PLCB1: variants seen among roughly 807,000 people sequenced by gnomAD.
PLCB1 encodes phospholipase C beta 1.
In PLCB1, 46 loss-of-function variants were observed where a neutral mutation model predicts 161.8. That is an observed-to-expected ratio of 0.28 (90% CI 0.22 to 0.36). The LOEUF (loss-of-function observed/expected upper bound fraction) is 0.36, where lower values mean the gene tolerates loss of function less well. Ranked by LOEUF, PLCB1 falls within the 10% of genes least tolerant of loss-of-function variation. PLCB1 has a pLI of 1.00. For synonymous variants in PLCB1, 517 were observed against 503.7 expected (o/e 1.03, Z -0.35); for missense variants, 1,016 against 1,472.5 (o/e 0.69, Z 5.07).
At chr20:8,391,844 T>C (rs1228793726) in intron 3 of PLCB1, among the ~76,000 whole-genome samples, 3 of 145,734 alleles carry the variant, frequency 2.1e-5, no homozygotes, top group African/African-American at 7.5e-5. Flanking sequence ...TATATATATA[T>C]TACTTGAACT....
chr20:8,608,328 T>C (rs1987814386), intron 3 of PLCB1, among the ~76,000 whole-genome samples: 1 of 152,158 alleles, frequency 6.6e-6, no homozygotes, highest in Non-Finnish European at 1.5e-5. Context: ...AAAATGAGCT[T>C]TGGGATTCTG....
At chr20:8,781,607 G>A (rs1983242188) in intron 27 of PLCB1, among the ~76,000 whole-genome samples, 1 of 152,046 alleles carries the variant, frequency 6.6e-6, no homozygotes, top group South Asian at 2.1e-4. Flanking sequence ...ACTCGAGGTG[G>A]TGTATTAGTC....
intron 31 of PLCB1, among the ~76,000 whole-genome samples, chr20:8,803,728 G>C (rs1243193518): frequency 1.3e-5 from 2 of 151,694 alleles, no homozygotes; most frequent in Non-Finnish European, 2.9e-5. Context: ...AGCACCATTC[G>C]ATTTTTTTGT....
At chr20:8,656,378 T>C (rs1989456500) in intron 7 of PLCB1, among the ~76,000 whole-genome samples, 1 of 152,006 alleles carries the variant, frequency 6.6e-6, no homozygotes, top group Non-Finnish European at 1.5e-5. Flanking sequence ...ATGAAAATAG[T>C]CAAAGGAAGG....
intron 2 of PLCB1, among the ~76,000 whole-genome samples, chr20:8,330,916 G>A (rs1442658675): frequency 1.3e-5 from 2 of 152,198 alleles, no homozygotes; most frequent in Non-Finnish European, 2.9e-5. Context: ...AGGGCATAAA[G>A]CAGATTTACA....
intron 2 of PLCB1, among the ~76,000 whole-genome samples, chr20:8,180,584 A>G (rs2051830745): frequency 6.6e-6 from 1 of 152,196 alleles, no homozygotes. Context: ...GAATTTGGAA[A>G]CAGAGATTAA....
At chr20:8,158,793 T>G (rs1305774223) in intron 2 of PLCB1, among the ~76,000 whole-genome samples, 1 of 152,108 alleles carries the variant, frequency 6.6e-6, no homozygotes, top group Non-Finnish European at 1.5e-5. Context: ...AGCAGGGTAG[T>G]CAAATCTTAA....
At chr20:8,541,600 G>GAAAGAAATAAAT (rs71183096) in intron 3 of PLCB1, among the ~76,000 whole-genome samples, 24 of 150,764 alleles carry the variant, frequency 1.6e-4, no homozygotes, top group East Asian at 1.6e-3. Context: ...AAGAAAGAAA[G>GAAAGAAATAAAT]AAAGAAAGGA....
At chr20:8,309,263 A>G (rs1465508586) in intron 2 of PLCB1, among the ~76,000 whole-genome samples, 1 of 152,114 alleles carries the variant, frequency 6.6e-6, no homozygotes, top group East Asian at 1.9e-4. Context: ...TGATTTGATT[A>G]ATCCTTGAAA....
intron 2 of PLCB1, among the ~76,000 whole-genome samples, chr20:8,209,108 C>A (rs1978680556): frequency 6.6e-6 from 1 of 152,018 alleles, no homozygotes; most frequent in Admixed American, 6.6e-5. Context: ...ATGGATTGTA[C>A]AGATGGTCTT....
chr20:8,378,564 G>A (rs1262589548), intron 3 of PLCB1, among the ~76,000 whole-genome samples: 1 of 152,132 alleles, frequency 6.6e-6, no homozygotes, highest in East Asian at 1.9e-4. Flanking sequence ...AGTCACAGAG[G>A]GTCTTGCCTC....
At chr20:8,510,066 A>G (rs1156474952) in intron 3 of PLCB1, among the ~76,000 whole-genome samples, 1 of 152,140 alleles carries the variant, frequency 6.6e-6, no homozygotes, top group Non-Finnish European at 1.5e-5. Flanking sequence ...TAATGTCTTG[A>G]TTGATTGACT....
intron 3 of PLCB1, among the ~76,000 whole-genome samples, chr20:8,587,184 A>AAG (rs1987017647): frequency 6.8e-6 from 1 of 146,580 alleles, no homozygotes; most frequent in African/African-American, 2.5e-5. Context: ...TAAAAAATAT[A>AAG]TATATATATA....
intron 2 of PLCB1, among the ~76,000 whole-genome samples, chr20:8,315,706 G>GTAA: frequency 6.6e-6 from 1 of 152,032 alleles, no homozygotes; most frequent in Non-Finnish European, 1.5e-5. Context: ...GTGTCTGCCG[G>GTAA]TCTTGCTTAC....
chr20:8,318,158 A>T (rs1241209701), intron 2 of PLCB1, among the ~76,000 whole-genome samples: 1 of 152,120 alleles, frequency 6.6e-6, no homozygotes, highest in Non-Finnish European at 1.5e-5. Context: ...CTAGGTCTTA[A>T]TCAAAAAATT....
rs527420298 is a variant in PLCB1, at chr20:8,496,620, A to G, written c.246+125170A>G. On this transcript the variant is annotated intron_variant, in intron 3 of 31. Transcript: ENST00000338037. ...GATTCACAGGCCATACTTTAAAGCCATTGATGGAGGTAGATTTTCTTCCCA... is the reference window on the plus strand; with the variant it reads ...GATTCACAGGCCATACTTTAAAGCCGTTGATGGAGGTAGATTTTCTTCCCA... Among the ~76,000 whole-genome samples, 11 of 152,334 alleles carry G rather than the reference A, an allele frequency of 7.2e-5. No individual in the cohort carries two copies. In the South Asian group the frequency reaches 2.3e-3, roughly 32 times the overall value.
At chr20:8,234,751 A>G (rs549845782) in intron 2 of PLCB1, among the ~76,000 whole-genome samples, 1 of 152,230 alleles carries the variant, frequency 6.6e-6, no homozygotes, top group African/African-American at 2.4e-5. Flanking sequence ...AGAGTAGAAG[A>G]TCACTAGATT....
intron 3 of PLCB1, among the ~76,000 whole-genome samples, chr20:8,506,340 A>G (rs932538870): frequency 3.9e-5 from 6 of 152,180 alleles, no homozygotes. Flanking sequence ...TACCAGTGGG[A>G]TGGTAGAAGG....
At chr20:8,280,904 G>A (rs908703794) in intron 2 of PLCB1, among the ~76,000 whole-genome samples, 4 of 152,118 alleles carry the variant, frequency 2.6e-5, no homozygotes, top group African/African-American at 7.2e-5. Flanking sequence ...ATTAAATTTC[G>A]GAATAAAGCC....
Sources: gnomAD v4.1 joint callset for allele counts (sites outside exome capture counted in the v4.1 genomes callset) on GRCh38, gnomAD v4.1.1 for gene constraint, MANE v1.5 for transcripts, NCBI Gene and HGNC (gene_info 2026-07-23, HGNC 2026-07-21) for gene names.